The following RGS3 variants were observed in gnomAD, a reference collection of about 807,000 sequenced individuals.
The protein encoded by RGS3 is regulator of G-protein signalling 3.
RGS3 carries 80 observed loss-of-function variants against 132.6 expected under a neutral mutation model. That is an observed-to-expected ratio of 0.60 (90% confidence interval 0.50 to 0.73). The LOEUF (loss-of-function observed/expected upper bound fraction) is 0.73. RGS3 is among the 30% of genes least tolerant of loss of function. The probability of loss-of-function intolerance (pLI) is 0.00; values close to 1 mark genes in which losing one functional copy is unlikely to be tolerated. For missense variants in RGS3, 1,382 were observed against 1,530.8 expected, an observed-to-expected ratio of 0.90 and a Z score of 1.62; for synonymous variants, 598 against 620.6, an observed-to-expected ratio of 0.96 and a Z score of 0.54.
intron 14 of RGS3, among the ~76,000 whole-genome samples, 162 bp downstream of exon 12, chr9:113,508,742 C>G (rs1831263878): frequency 6.6e-6 from 1 of 152,206 alleles, no homozygotes; most frequent in Non-Finnish European, 1.5e-5. Context: ...ACCTTTTCTC[C>G]CTCACGGAAC....
At chr9:113,581,969 C>A (rs1564602938) in intron 19 of RGS3, 1 of 959,422 alleles carries the variant, frequency 1.0e-6, no homozygotes, top group Non-Finnish European at 1.2e-6. Flanking sequence ...CCTTGCCCAG[C>A]CACCTTCTCT....
chr9:113,482,221 C>A (rs1335097652), intron 4 of RGS3, among the ~76,000 whole-genome samples: 1 of 152,132 alleles, frequency 6.6e-6, no homozygotes, highest in Non-Finnish European at 1.5e-5. Context: ...ACACCTCTCC[C>A]CTTGCCTTTA....
chr9:113,504,170 G>A (rs553918979), intron 10 of RGS3, among the ~76,000 whole-genome samples: 5 of 152,168 alleles, frequency 3.3e-5, no homozygotes, highest in Non-Finnish European at 4.4e-5. Flanking sequence ...AGGTGAATGA[G>A]TGCAGGTGCC....
chr9:113,553,819 G>A (rs1588241798), intron 19 of RGS3, among the ~76,000 whole-genome samples: 1 of 151,982 alleles, frequency 6.6e-6, no homozygotes, highest in Non-Finnish European at 1.5e-5. Flanking sequence ...CTCCAGCCTG[G>A]GCGACAAGAG....
rs199658575 is a variant in RGS3, at chr9:113,514,689, G to C, written c.1674+35G>C. On this transcript the variant is annotated intron_variant, in intron 15 of 24. Coordinates refer to ENST00000350696, the Ensembl canonical transcript of RGS3. Reference sequence around the variant, plus strand: ...TGGCTGGTCTTAAAGGTTCCCTCAGGAGGAACGGAGAAAGAGGAGGGCCCT... The same window carrying C: ...TGGCTGGTCTTAAAGGTTCCCTCAGCAGGAACGGAGAAAGAGGAGGGCCCT... The C allele has an allele frequency of 3.4e-5, 55 of 1,601,404 alleles. 1 individual carries two copies. In the East Asian group the frequency reaches 6.0e-4, roughly 18 times the overall value.
intron 19 of RGS3, among the ~76,000 whole-genome samples, chr9:113,575,753 C>A (rs191091172): frequency 9.2e-5 from 14 of 152,296 alleles, no homozygotes; most frequent in Non-Finnish European, 1.5e-4. Context: ...AGTAAAAAGG[C>A]CTGGGCCTTA....
At chr9:113,454,554 G>A (rs772026387) in intron 1 of RGS3, among the ~76,000 whole-genome samples, 11 of 152,216 alleles carry the variant, frequency 7.2e-5, no homozygotes, top group Middle Eastern at 3.4e-3. Context: ...GTTGCAGTGA[G>A]CTGAGATCTT....
intron 16 of RGS3, among the ~76,000 whole-genome samples, chr9:113,519,839 G>A (rs965701380): frequency 4.6e-5 from 7 of 152,098 alleles, no homozygotes; most frequent in South Asian, 2.1e-4. Context: ...GTCCCGCACC[G>A]TGAACTACCC....
At chr9:113,465,203 G>A (rs538426664) in intron 3 of RGS3, among the ~76,000 whole-genome samples, 13 of 152,296 alleles carry the variant, frequency 8.5e-5, no homozygotes, top group African/African-American at 3.1e-4. Flanking sequence ...GGCTGGGGTA[G>A]GAGTGATCAG....
At chr9:113,487,774 T>C (rs1453586750) in intron 7 of RGS3, among the ~76,000 whole-genome samples, 1 of 152,188 alleles carries the variant, frequency 6.6e-6, no homozygotes, top group Non-Finnish European at 1.5e-5. Context: ...AGTCAGATGA[T>C]TCTGTAGATT....
chr9:113,469,857 C>A (rs1829773473), intron 3 of RGS3, among the ~76,000 whole-genome samples: 1 of 149,160 alleles, frequency 6.7e-6, no homozygotes, highest in South Asian at 2.1e-4. Context: ...CTTTTAATTC[C>A]TTGAAATTAA....
intron 3 of RGS3, among the ~76,000 whole-genome samples, chr9:113,475,838 A>G (rs776721188): frequency 1.3e-4 from 19 of 151,704 alleles, no homozygotes; most frequent in Non-Finnish European, 2.1e-4. Flanking sequence ...TGAGCTGAAG[A>G]CTCCAGGGAT....
intron 14 of RGS3, among the ~76,000 whole-genome samples, chr9:113,512,748 G>T (rs1831463057): frequency 6.6e-6 from 1 of 152,196 alleles, no homozygotes; most frequent in South Asian, 2.1e-4. Flanking sequence ...CCTGGTAGTT[G>T]CCCATACAGT....
In RGS3 at chr9:113,494,862, ATTCTTC is replaced by A. The variant is rs149529317; in HGVS notation, c.690-906_690-901del. 9.2e-5 allele frequency among the ~76,000 whole-genome samples: 14 copies of A among 151,524 alleles called. 1 individual carries two copies. The highest frequency in any genetic ancestry group is 1.5e-4 in the Non-Finnish European group (10 of 67,908). ...GGTGGACATTCTTCAGGAACTCTGA[ATTCTTC>A]TTCTTCTTCTTCTTCTTTTTTTTTG... On this transcript the variant is annotated intron_variant, in intron 7 of 24. Coordinates refer to ENST00000350696, the Ensembl canonical transcript of RGS3.
Position 113,507,572 on chromosome 9 carries a change from G to A in RGS3, c.1371G>A (p.Leu457=), listed in dbSNP as rs1490842935. Reference sequence around the variant, plus strand: ...GGGGCCAGCACACCCTGCCTGCACTGTCCCGTGCCACTGCCCCCACCGACC... The same window carrying A: ...GGGGCCAGCACACCCTGCCTGCACTATCCCGTGCCACTGCCCCCACCGACC... Residue 457 remains leucine (L), a synonymous_variant, in exon 13 of 25, where the codon CTG becomes CTA. Coordinates refer to ENST00000350696, the Ensembl canonical transcript of RGS3. This position sits in a 1 kb window ranked among gnomAD's most constrained non-coding sequence, Gnocchi z 5.0. The A allele has an allele frequency of 1.9e-6, 3 of 1,544,694 alleles. No individual in the cohort carries two copies. The African/African-American group carries it at 4.1e-5, about 21-fold the overall frequency.
chr9:113,476,152 G>A (rs1399079327), intron 3 of RGS3, among the ~76,000 whole-genome samples: 1 of 152,134 alleles, frequency 6.6e-6, no homozygotes. Flanking sequence ...TGTCCCCGAT[G>A]GTTCTCTCTA....
At chr9:113,564,087 T>A (rs1280060454) in intron 19 of RGS3, among the ~76,000 whole-genome samples, 2 of 152,176 alleles carry the variant, frequency 1.3e-5, no homozygotes, top group African/African-American at 4.8e-5. Context: ...GTCAACATCA[T>A]GACAAACTGC....
At chr9:113,501,301 C>G in intron 10 of RGS3, 2 of 814,226 alleles carry the variant, frequency 2.5e-6, no homozygotes, top group South Asian at 5.6e-5. Flanking sequence ...CCTCTCCCCG[C>G]CGGGCCCGGG....
At chr9:113,521,314 G>A (rs1480615094) in intron 16 of RGS3, among the ~76,000 whole-genome samples, 2 of 152,106 alleles carry the variant, frequency 1.3e-5, no homozygotes, top group Admixed American at 1.3e-4. Context: ...CACTCAAGAA[G>A]CCAAGCCATA....
Sources: gnomAD v4.1 joint callset for allele counts (sites outside exome capture counted in the v4.1 genomes callset) on GRCh38, gnomAD v4.1.1 for gene constraint, Gnocchi (gnomAD v3.1) non-coding constraint, MANE v1.5 for transcripts, NCBI Gene and HGNC (gene_info 2026-07-23, HGNC 2026-07-21) for gene names.